Variants in STAMBPL1 observed in about 807,000 individuals in gnomAD.
The protein encoded by STAMBPL1 is STAM binding protein like 1, also known as AMSH-like protease.
A neutral mutation model predicts 52.9 loss-of-function variants in STAMBPL1; 44 were observed. The ratio of observed to expected loss-of-function variants is 0.83; its 90% CI spans 0.65 to 1.07. STAMBPL1 has a LOEUF of 1.07. Among genes scored for constraint, STAMBPL1 ranks in the 50% least tolerant of loss-of-function variants. The probability of loss-of-function intolerance (pLI) is 0.00; values close to 1 mark genes in which losing one functional copy is unlikely to be tolerated. For synonymous variants in STAMBPL1, 164 were observed against 177.3 expected (o/e 0.92, Z 0.60); for missense variants, 511 against 520.8 (o/e 0.98, Z 0.18).
chr10:88,916,595 T>G, intron 7 of STAMBPL1, 85 bp from the exon 8 acceptor site: 2 of 1,390,654 alleles, frequency 1.4e-6, no homozygotes, highest in Non-Finnish European at 1.9e-6. Flanking sequence ...GGGGGACTCT[T>G]TAGTCTTAAA....
intron 1 of STAMBPL1, among the ~76,000 whole-genome samples, chr10:88,892,662 T>G (rs1427515611): frequency 6.6e-6 from 1 of 152,218 alleles, no homozygotes. Context: ...GATTGTCCAG[T>G]GCAAAACCAA....
chr10:88,908,141 G>A (rs1047744605), intron 3 of STAMBPL1, among the ~76,000 whole-genome samples: 31 of 152,162 alleles, frequency 2.0e-4, no homozygotes, highest in Admixed American at 2.0e-3. Context: ...TCCTTTCACT[G>A]CTGCTGTCTC....
Position 88,916,800 on chromosome 10 carries a change from A to G in STAMBPL1, c.1024A>G (p.Thr342Ala). The G allele has an allele frequency of 1.3e-6, 2 of 1,597,668 alleles. No individual in the cohort carries two copies. Among genetic ancestry groups the G allele is most frequent in the South Asian group, 2.3e-5 (2 of 87,948 alleles). ...FNVQDQHDLL[T>A]LGWIHTHPTQ... ...TGTTCAGGATCAACATGATCTCCTC[A>G]CTCTAGGATGGATCCATGTACGTTT... The change falls in exon 8 of 11, where the codon ACT becomes GCT. Residue 342 changes from threonine to alanine, a missense_variant. Transcript: ENST00000371926.
intron 1 of STAMBPL1, chr10:88,882,280 A>G (rs1844425079): frequency 6.6e-6 from 1 of 152,232 alleles, no homozygotes; most frequent in South Asian, 2.1e-4. Flanking sequence ...GTAGTGAGGA[A>G]CCAGTTTCCT....
chr10:88,902,512 C>T (rs1844968950), intron 2 of STAMBPL1, among the ~76,000 whole-genome samples: 1 of 152,110 alleles, frequency 6.6e-6, no homozygotes, highest in South Asian at 2.1e-4. Context: ...AGACTAGCAC[C>T]AGGACATAAA....
rs1360493245 is a variant in STAMBPL1 at position 88,908,805 on chromosome 10, G to C, written c.324+28G>C. ...ATTGTGGGTTTTCTTCTCCACTGTG[G>C]AATCAAATGCTCCATAAGTATCCAT... On this transcript the variant is annotated intron_variant, in intron 4 of 10. Coordinates refer to ENST00000371926, the MANE Select transcript of STAMBPL1 (RefSeq NM_020799.4). 3 of 1,556,670 alleles carry C rather than the reference G, an allele frequency of 1.9e-6. No homozygotes were observed. The Admixed American group carries it at 5.6e-5, about 29-fold the overall frequency.
In STAMBPL1 at chr10:88,916,760, A is replaced by G. The variant is rs1290838595; in HGVS notation, c.984A>G (p.Val328=). ...AGPDYCDMEN[V]EELFNVQDQH... is the part of the protein sequence containing the mutation. ...CAGACTATTGTGACATGGAGAATGT[A>G]GAGGAATTATTCAATGTTCAGGATC... Residue 328 remains valine (V), a synonymous_variant, in exon 8 of 11, where the codon GTA becomes GTG. Coordinates refer to ENST00000371926, the MANE Select transcript of STAMBPL1 (RefSeq NM_020799.4). 2 of 1,610,338 alleles carry G rather than the reference A, an allele frequency of 1.2e-6. No homozygotes were observed. The highest frequency in any genetic ancestry group is 2.2e-5 in the South Asian group (2 of 90,376).
intron 1 of STAMBPL1, among the ~76,000 whole-genome samples, chr10:88,881,144 C>T (rs1844395888): frequency 6.6e-6 from 1 of 152,112 alleles, no homozygotes; most frequent in Admixed American, 6.5e-5. Context: ...CTTTTATGCC[C>T]TTTATGAGCG....
intron 2 of STAMBPL1, among the ~76,000 whole-genome samples, 197 bp from the exon 3 acceptor site, chr10:88,905,246 T>C (rs1042936432): frequency 7.9e-5 from 12 of 152,242 alleles, no homozygotes; most frequent in Non-Finnish European, 1.8e-4. Flanking sequence ...CTTTTTGTTG[T>C]ATAAACCATG....
intron 1 of STAMBPL1, among the ~76,000 whole-genome samples, chr10:88,897,345 G>A (rs578073351): frequency 1.8e-4 from 27 of 152,116 alleles, no homozygotes; most frequent in South Asian, 1.7e-3. Context: ...CTTGTGAGTC[G>A]GATTAACAGA....
At chr10:88,909,468 G>A (rs7070713) in intron 4 of STAMBPL1, among the ~76,000 whole-genome samples, 8,272 of 152,174 alleles carry the variant, frequency 0.054, 543 homozygotes, top group African/African-American at 0.15. Context: ...AAAGCCAATT[G>A]TAGCATGAAA....
Position 88,913,417 on chromosome 10 carries a change from A to G in STAMBPL1, c.737A>G (p.Asn246Ser). 6.2e-7 allele frequency: 1 copy of G among 1,613,536 alleles called. No individual in the cohort carries two copies. The highest frequency in any genetic ancestry group is 8.5e-7 in the Non-Finnish European group (1 of 1,179,704). ...TNYASHSPPVNRALTPAATLS... is the reference protein window; with the variant it reads ...TNYASHSPPVSRALTPAATLS... ...TATGCTAGCCACTCTCCTCCTGTAA[A>G]CAGGGCCTTAACGCCAGCTGCTACT... Residue 246 changes from asparagine (N) to serine (S), a missense_variant, in exon 6 of 11, where the codon AAC becomes AGC. Physicochemically the swap from Asn to Ser is conservative, Grantham distance 46. Transcript: ENST00000371926.
At chr10:88,881,710 G>C (rs958608920) in intron 1 of STAMBPL1, among the ~76,000 whole-genome samples, 1 of 152,098 alleles carries the variant, frequency 6.6e-6, no homozygotes, top group Admixed American at 6.6e-5. Flanking sequence ...AGGTTTTGAC[G>C]GTTGTTTTAC....
Position 88,913,446 on chromosome 10 carries a change from A to G in STAMBPL1, c.766A>G (p.Ser256Gly), listed in dbSNP as rs146759776. 259 of 1,611,264 alleles carry G rather than the reference A, an allele frequency of 1.6e-4. 2 individuals are homozygous for G. The East Asian group carries it at 2.1e-3, about 13-fold the overall frequency. Residue 256 changes from serine (S) to glycine (G), a missense_variant, in exon 6 of 11, where the codon AGT (serine) becomes GGT (glycine). Physicochemically the swap from Ser to Gly is moderately conservative, Grantham distance 56. Coordinates refer to ENST00000371926, the MANE Select transcript of STAMBPL1 (RefSeq NM_020799.4). The part of the protein sequence containing the change: ...NRALTPAATL[S>G]AVQNLVVEGL... ...GGCCTTAACGCCAGCTGCTACTCTA[A>G]GTGCTGTTCAGAGTAAGTGATGAAA...
chr10:88,900,508 G>T (rs184214651), intron 1 of STAMBPL1, among the ~76,000 whole-genome samples: 1 of 152,226 alleles, frequency 6.6e-6, no homozygotes, highest in Admixed American at 6.5e-5. Context: ...ATAAAATAAA[G>T]ATTCTAATAA....
rs145301070 is a variant in STAMBPL1, at chr10:88,919,281, A to G, written c.1042-2002A>G. On this transcript the variant is annotated intron_variant, in intron 8 of 10. Coordinates refer to ENST00000371926, the MANE Select transcript of STAMBPL1 (RefSeq NM_020799.4). Reference sequence around the variant, plus strand: ...CTTATCTTGTTGCTGTGAGAATTCAATGATATGACTCATGAAAAGTGATTA... The same window carrying G: ...CTTATCTTGTTGCTGTGAGAATTCAGTGATATGACTCATGAAAAGTGATTA... Among the ~76,000 whole-genome samples, 27 of 152,290 alleles carry G rather than the reference A, an allele frequency of 1.8e-4. No individual in the cohort carries two copies. In the East Asian group the frequency reaches 2.3e-3, roughly 13 times the overall value.
At chr10:88,917,086 C>CT (rs1845391111) in intron 8 of STAMBPL1, among the ~76,000 whole-genome samples, 1 of 152,044 alleles carries the variant, frequency 6.6e-6, no homozygotes, top group Non-Finnish European at 1.5e-5. Context: ...GTATCTTATG[C>CT]TTTTTTGTAT....
intron 1 of STAMBPL1, among the ~76,000 whole-genome samples, chr10:88,890,967 A>T (rs1190018630): frequency 6.6e-6 from 1 of 152,190 alleles, no homozygotes; most frequent in African/African-American, 2.4e-5. Flanking sequence ...ATAAATATGT[A>T]CTAAGTGCCT....
intron 4 of STAMBPL1, 86 bp downstream of exon 4, chr10:88,908,863 T>G: frequency 8.8e-7 from 1 of 1,132,314 alleles, no homozygotes; most frequent in Non-Finnish European, 1.2e-6. Flanking sequence ...CTCCCCTTTC[T>G]CTTTCTCTTG....
Sources: gnomAD v4.1 joint callset for allele counts (sites outside exome capture counted in the v4.1 genomes callset) on GRCh38, gnomAD v4.1.1 for gene constraint, MANE v1.5 for transcripts, NCBI Gene and HGNC (gene_info 2026-07-23, HGNC 2026-07-21) for gene names.